The following TBX19 variants were observed in gnomAD, a reference collection of about 807,000 sequenced individuals.
TBX19 encodes the protein T-box transcription factor 19.
A neutral mutation model predicts 40.9 loss-of-function variants in TBX19; 33 were observed. The observed-to-expected ratio is 0.81, with a 90% confidence interval of 0.61 to 1.08. The LOEUF is 1.08. Ranked by LOEUF, TBX19 falls within the 50% of genes least tolerant of loss-of-function variation. The pLI is 0.00. For missense variants in TBX19, 494 were observed against 574.0 expected, an observed-to-expected ratio of 0.86 and a Z score of 1.42; for synonymous variants, 220 against 225.0, an observed-to-expected ratio of 0.98 and a Z score of 0.20.
At chr1:168,289,930 A>G (rs1648897523) in intron 1 of TBX19, among the ~76,000 whole-genome samples, 1 of 152,190 alleles carries the variant, frequency 6.6e-6, no homozygotes, top group South Asian at 2.1e-4. Context: ...ATGGTGGCTC[A>G]CACCTGTAAT....
intron 1 of TBX19, among the ~76,000 whole-genome samples, 164 bp from the exon 2 acceptor site, chr1:168,290,996 A>G (rs1244471003): frequency 1.3e-5 from 2 of 152,198 alleles, no homozygotes; most frequent in African/African-American, 4.8e-5. Context: ...AAATTCATTT[A>G]TAAAAAGAAG....
rs201741262 is a variant in TBX19 at position 168,300,466 on chromosome 1, A to G, written c.710A>G (p.His237Arg). The G allele has an allele frequency of 2.2e-5, 36 of 1,614,082 alleles. No homozygotes were observed. Among genetic ancestry groups the G allele is most frequent in the Admixed American group, 2.2e-4 (13 of 60,014 alleles). ...CCGGAGGCTATCTCTGAGAGCCAGC[A>G]TGTGACCTATTCTCACTGTGAGTTG... The part of the protein sequence containing the change: ...DVPEAISESQ[H>R]VTYSHLGGWI... Residue 237 changes from histidine to arginine, a missense_variant, in exon 5 of 8, where the codon CAT becomes CGT. Transcript: ENST00000367821.
At position 168,300,485 on chromosome 1, in the gene TBX19, T is replaced by C. The variant is rs779434153; in HGVS notation, c.727+2T>C. On this transcript the variant is annotated splice_donor_variant, in intron 5 of 7. Coordinates refer to ENST00000367821, the MANE Select transcript of TBX19 (RefSeq NM_005149.3). LOFTEE classifies it high-confidence loss of function. ...GCCAGCATGTGACCTATTCTCACTGTGAGTTGGGTGTACATGAGGCGGGAG... is the reference window on the plus strand; with the variant it reads ...GCCAGCATGTGACCTATTCTCACTGCGAGTTGGGTGTACATGAGGCGGGAG... 6.2e-7 allele frequency: 1 copy of C among 1,613,990 alleles called. No homozygotes were observed. Among genetic ancestry groups the C allele is most frequent in the Non-Finnish European group, 8.5e-7 (1 of 1,179,892 alleles).
chr1:168,284,211 A>G (rs972585845), intron 1 of TBX19, among the ~76,000 whole-genome samples: 3 of 152,018 alleles, frequency 2.0e-5, no homozygotes, highest in Admixed American at 2.0e-4. Context: ...TCAGTTATTC[A>G]TAGTTAATAG....
intron 3 of TBX19, among the ~76,000 whole-genome samples, chr1:168,295,225 A>T (rs1315118372): frequency 6.6e-6 from 1 of 151,778 alleles, no homozygotes; most frequent in Non-Finnish European, 1.5e-5. Flanking sequence ...TGGGAGGCGG[A>T]GGTTGCAGTG....
At chr1:168,309,754 G>T (rs543615064) in intron 7 of TBX19, among the ~76,000 whole-genome samples, 1 of 152,136 alleles carries the variant, frequency 6.6e-6, no homozygotes, top group African/African-American at 2.4e-5. Context: ...AGGGGTTTGA[G>T]TCCCAGTTCT....
chr1:168,294,048 A>C (rs1649034056), intron 3 of TBX19, among the ~76,000 whole-genome samples: 1 of 152,216 alleles, frequency 6.6e-6, no homozygotes, highest in South Asian at 2.1e-4. Context: ...CCCCATGGAC[A>C]CGACGAAGAA....
At chr1:168,292,593 G>A (rs1435167911) in intron 2 of TBX19, among the ~76,000 whole-genome samples, 1 of 152,208 alleles carries the variant, frequency 6.6e-6, no homozygotes, top group Non-Finnish European at 1.5e-5. Context: ...AGCCGGGCGC[G>A]GTGGCTCGCG....
In TBX19 at chr1:168,312,976, C is replaced by T. The variant is rs779255360; in HGVS notation, c.1321C>T (p.His441Tyr). 1 of 1,614,224 alleles carries T rather than the reference C, an allele frequency of 6.2e-7. No homozygotes were observed. The highest frequency in any genetic ancestry group is 2.2e-5 in the East Asian group (1 of 44,884). ...GGGTGGCCCAGGAGCGGGTGGGCAC[C>T]ATTCTCCTTCCTCACTGGATGGTTA... ...GWGGPGAGGH[H>Y]SPSSLDG Residue 441 changes from histidine to tyrosine, a missense_variant, in exon 8 of 8, where the codon CAT (histidine) becomes TAT (tyrosine). By Grantham distance (83) the His-to-Tyr change is moderately conservative. This residue lies in a region of TBX19 where 284 missense variants were observed against 307.3 expected (regional missense o/e 0.92). Transcript: ENST00000367821.
chr1:168,311,837 G>A (rs1410958511), intron 7 of TBX19, among the ~76,000 whole-genome samples: 1 of 152,088 alleles, frequency 6.6e-6, no homozygotes, highest in African/African-American at 2.4e-5. Context: ...AGTCACCTGG[G>A]AAACTTAAAA....
chr1:168,283,912 C>T (rs919232467), intron 1 of TBX19, among the ~76,000 whole-genome samples: 3 of 152,086 alleles, frequency 2.0e-5, no homozygotes, highest in Admixed American at 6.5e-5. Flanking sequence ...TAAGATGGGC[C>T]GATGAAAGAG....
chr1:168,293,363 G>GT lies in TBX19; in HGVS notation c.603+85_603+86insT, dbSNP rs1649002792. On this transcript the variant is annotated intron_variant, in intron 3 of 7. Transcript: ENST00000367821. ...GGGAGATCATGGCAGGATGGGCGGG[G>GT]GGGGTCCTTTTAGATGAAAGGTAGG... The GT allele has an allele frequency of 3.4e-6, 5 of 1,489,804 alleles. No individual in the cohort carries two copies. The African/African-American group carries it at 5.7e-5, about 17-fold the overall frequency. The allele number at this position is 1,489,804 out of a possible 1,614,324, so 92.3% of individuals were successfully genotyped here.
chr1:168,298,822 C>CCCTTCCTTTCCTT (rs1553289837), intron 4 of TBX19, among the ~76,000 whole-genome samples: 2 of 9,788 alleles, frequency 2.0e-4, no homozygotes, highest in Admixed American at 9.5e-4. Context: ...TCCCTCCCTT[C>CCCTTCCTTTCCTT]CTTTCTTTCT....
At chr1:168,293,386 A>G (rs10800350) in intron 3 of TBX19, 108 bp downstream of exon 3, 1,243,492 of 1,364,384 alleles carry the variant, frequency 0.91, 567,804 homozygotes, top group African/African-American at 0.93. Flanking sequence ...GATGAAAGGT[A>G]GGTTTTCCAG....
intron 1 of TBX19, among the ~76,000 whole-genome samples, chr1:168,290,787 A>G (rs1349231041): frequency 1.3e-5 from 2 of 151,984 alleles, no homozygotes; most frequent in Non-Finnish European, 2.9e-5. Context: ...ACTATTATTC[A>G]GAAATAGTGT....
At chr1:168,284,017 T>A (rs188771935) in intron 1 of TBX19, among the ~76,000 whole-genome samples, 310 of 152,244 alleles carry the variant, frequency 2.0e-3, no homozygotes, top group Middle Eastern at 0.014. Flanking sequence ...GAGAAAGGCT[T>A]TTCTCTGAAA....
chr1:168,301,424 G>A (rs1308266276), intron 5 of TBX19, among the ~76,000 whole-genome samples: 1 of 152,052 alleles, frequency 6.6e-6, no homozygotes, highest in East Asian at 1.9e-4. Context: ...CACCATGCCC[G>A]GCTAATTTTT....
intron 2 of TBX19, among the ~76,000 whole-genome samples, chr1:168,292,635 T>C (rs1280827199): frequency 1.3e-5 from 2 of 151,884 alleles, no homozygotes; most frequent in Non-Finnish European, 2.9e-5. Flanking sequence ...GAGGCCGAAG[T>C]GGGCGGATCA....
At position 168,305,060 on chromosome 1, in the gene TBX19, C is replaced by T; in HGVS notation, c.780C>T (p.Ser260=). The T allele has an allele frequency of 6.2e-7, 1 of 1,614,164 alleles. No homozygotes were observed. The highest frequency in any genetic ancestry group is 1.1e-5 in the South Asian group (1 of 91,084). ...ATGGAGTGTGCACAGCAGGAAACTC[C>T]AATTACCAGTATGCCGCTCCTCTGC... ...NPDGVCTAGN[S]NYQYAAPLPL... Residue 260 remains serine, a synonymous_variant, in exon 6 of 8, where the codon TCC becomes TCT. Transcript: ENST00000367821.
Sources: allele counts gnomAD v4.1 joint callset (sites outside exome capture counted in the v4.1 genomes callset), GRCh38; gene constraint gnomAD v4.1.1; regional missense constraint gnomAD v4.1.1; transcripts MANE v1.5; gene names NCBI Gene and HGNC (gene_info 2026-07-23, HGNC 2026-07-21).